Variants in USH2A observed in about 807,000 individuals in gnomAD.
The protein encoded by USH2A is Usher syndrome 2A (autosomal recessive, mild).
A neutral mutation model predicts 538.9 loss-of-function variants in USH2A; 443 were observed. The ratio of observed to expected loss-of-function variants is 0.82; its 90% CI spans 0.76 to 0.89. USH2A has a LOEUF of 0.89. Among genes scored for constraint, USH2A ranks in the 40% least tolerant of loss-of-function variants. The pLI, the probability that USH2A is intolerant of heterozygous loss-of-function variation, is 0.00. For missense variants in USH2A, 6,633 were observed against 6,324.8 expected, an observed-to-expected ratio of 1.05 and a Z score of -1.65; for synonymous variants, 2,413 against 2,273.5, an observed-to-expected ratio of 1.06 and a Z score of -1.75.
rs369428549 is a variant in USH2A, at chr1:216,259,572, T to C, written c.1972-8474A>G. 2.8e-4 allele frequency among the ~76,000 whole-genome samples: 42 copies of C among 152,208 alleles called. 2 individuals carry two copies. The highest frequency in any genetic ancestry group is 9.9e-4 in the African/African-American group (41 of 41,562). ...GCTTTCTGACAAAGGATCCAACTTATTAGAATTGATGCATTCAAAGATTAA... is the reference window on the plus strand; with the variant it reads ...GCTTTCTGACAAAGGATCCAACTTACTAGAATTGATGCATTCAAAGATTAA... On this transcript the variant is annotated intron_variant, in intron 11 of 71. Coordinates refer to ENST00000307340, the MANE Select transcript of USH2A (RefSeq NM_206933.4).
intron 13 of USH2A, among the ~76,000 whole-genome samples, chr1:216,241,735 T>C (rs2035941958): frequency 1.3e-5 from 2 of 152,092 alleles, no homozygotes; most frequent in Non-Finnish European, 2.9e-5. Context: ...AGTTTCACCA[T>C]GTTGCTCAGG....
Position 216,247,125 on chromosome 1 carries a change from T to C in USH2A, c.2269A>G (p.Lys757Glu). 1 of 1,614,084 alleles carries C rather than the reference T, an allele frequency of 6.2e-7. No individual in the cohort carries two copies. The highest frequency in any genetic ancestry group is 2.2e-5 in the East Asian group (1 of 44,858). Residue 757 changes from lysine to glutamate, a missense_variant, in exon 13 of 72, where the codon AAA becomes GAA. By Grantham distance (56) the Lys-to-Glu change is moderately conservative. Coordinates refer to ENST00000307340, the MANE Select transcript of USH2A (RefSeq NM_206933.4). ...TGCCCAGAGTGAGGATTGCAGAATT[T>C]GTTCACTGAGCCATGGAGGTTACAC... is the stretch of plus-strand genomic sequence containing the variant. ...CQCNLHGSVN[K>E]FCNPHSGQCE...
At chr1:215,824,736 G>A (rs201072016) in intron 47 of USH2A, among the ~76,000 whole-genome samples, 41 of 152,252 alleles carry the variant, frequency 2.7e-4, no homozygotes, top group African/African-American at 9.6e-4. Context: ...GCAGGTAAAG[G>A]TCTCCTGCCA....
intron 38 of USH2A, among the ~76,000 whole-genome samples, chr1:215,913,510 G>T (rs942377409): frequency 1.3e-5 from 2 of 152,098 alleles, no homozygotes; most frequent in African/African-American, 4.8e-5. Flanking sequence ...AAGGCAGCAA[G>T]GGTGGGAGAC....
chr1:215,764,735 G>T (rs1236792119), intron 56 of USH2A, among the ~76,000 whole-genome samples: 2 of 152,068 alleles, frequency 1.3e-5, no homozygotes, highest in Non-Finnish European at 2.9e-5. Flanking sequence ...TGTCTGGGTG[G>T]ATAATCTAAA....
chr1:216,377,049 A>AT (rs963571010), intron 3 of USH2A, among the ~76,000 whole-genome samples: 3 of 152,060 alleles, frequency 2.0e-5, no homozygotes, highest in African/African-American at 7.2e-5. Context: ...GTCTTCTTAG[A>AT]TTTTTTCAGC....
rs555938432 is a variant in USH2A, at chr1:216,037,404, TC to T, written c.6325+9026del. Among the ~76,000 whole-genome samples, 19 of 152,188 alleles carry T rather than the reference TC, an allele frequency of 1.2e-4. No homozygotes were observed. The East Asian group carries it at 3.3e-3, about 26-fold the overall frequency. On this transcript the variant is annotated intron_variant, in intron 32 of 71. Transcript: ENST00000307340. The stretch of plus-strand genomic sequence containing the variant: ...ACCAACAAGCAAAATGCCTCAAGCA[TC>T]CCCAAAAAACTTTTGCCATGACCTT...
chr1:216,397,443 C>T (rs2039229784), intron 3 of USH2A, among the ~76,000 whole-genome samples: 2 of 152,242 alleles, frequency 1.3e-5, no homozygotes, highest in African/African-American at 4.8e-5. Context: ...AGGAGATTGA[C>T]ATATAAGCCA....
At chr1:215,848,120 T>C (rs1201656665) in intron 44 of USH2A, among the ~76,000 whole-genome samples, 1 of 152,182 alleles carries the variant, frequency 6.6e-6, no homozygotes, top group African/African-American at 2.4e-5. Flanking sequence ...TCCTGAATGA[T>C]AATATTCGTC....
intron 4 of USH2A, among the ~76,000 whole-genome samples, chr1:216,336,690 C>T (rs13376107): frequency 0.018 from 2,765 of 151,448 alleles, 90 homozygotes; most frequent in African/African-American, 0.061. Flanking sequence ...TTTCCAAGAA[C>T]GGTCCTGGAA....
In USH2A at chr1:215,623,547, A is replaced by ACAT. The variant is rs1433165868; in HGVS notation, c.*2231_*2233dup. The ACAT allele has an allele frequency of 6.6e-6, 1 of 152,138 alleles. No individual in the cohort carries two copies. Among genetic ancestry groups the ACAT allele is most frequent in the African/African-American group, 2.4e-5 (1 of 41,448 alleles). 9.4% of individuals were successfully genotyped at this position (152,138 alleles called of 1,614,324 possible). A position where few individuals can be genotyped will look rare whatever the true frequency, so the allele number is the denominator to read the frequency against. On this transcript the variant is annotated 3_prime_UTR_variant, in exon 72 of 72. Transcript: ENST00000307340. ...CAATACCACTTAAAGTAGCAAAGCA[A>ACAT]CATCTTAGAGTTCTTCTCTGAAATA...
intron 13 of USH2A, among the ~76,000 whole-genome samples, chr1:216,238,929 C>G (rs1309769324): frequency 6.6e-6 from 1 of 152,072 alleles, no homozygotes; most frequent in South Asian, 2.1e-4. Context: ...GGTATATGAT[C>G]TAGGTCTCTC....
At chr1:215,644,478 G>A (rs906295519) in intron 67 of USH2A, among the ~76,000 whole-genome samples, 1 of 152,162 alleles carries the variant, frequency 6.6e-6, no homozygotes, top group African/African-American at 2.4e-5. Context: ...ACGGCAAGGG[G>A]ACAAAGTTAA....
At chr1:216,084,636 A>C in intron 25 of USH2A, 62 bp downstream of exon 25, 2 of 1,577,598 alleles carry the variant, frequency 1.3e-6, no homozygotes, top group Non-Finnish European at 1.7e-6. Flanking sequence ...GGAGAGATTA[A>C]ATTATACAAA....
At chr1:215,854,344 T>C (rs1664099691) in intron 44 of USH2A, among the ~76,000 whole-genome samples, 6 of 152,144 alleles carry the variant, frequency 3.9e-5, no homozygotes, top group Admixed American at 3.9e-4. Flanking sequence ...CATGTGGGCA[T>C]TATGGGAGCT....
chr1:215,732,821 G>A (rs1660044439), intron 60 of USH2A, among the ~76,000 whole-genome samples: 1 of 151,932 alleles, frequency 6.6e-6, no homozygotes, highest in African/African-American at 2.4e-5. Flanking sequence ...GATTACAGGT[G>A]TGAGCCACCA....
rs115839989 is a variant in USH2A, at chr1:216,016,530, C to T, written c.6326-15968G>A. 9.4e-3 allele frequency among the ~76,000 whole-genome samples: 1,426 copies of T among 152,220 alleles called. 20 individuals carry two copies. The highest frequency in any genetic ancestry group is 0.033 in the African/African-American group (1,359 of 41,514). On this transcript the variant is annotated intron_variant, in intron 32 of 71. Coordinates refer to ENST00000307340, the MANE Select transcript of USH2A (RefSeq NM_206933.4). ...TCATGAAAACCCTGTTCAATGTTTG[C>T]ATTATCCATGAAACATCTCCTGACT...
At chr1:216,296,665 CTGTT>C (rs1005259804) in intron 9 of USH2A, among the ~76,000 whole-genome samples, 48 of 152,112 alleles carry the variant, frequency 3.2e-4, no homozygotes, top group African/African-American at 1.1e-3. Context: ...TCAGAATTGA[CTGTT>C]AGGTGATGAT....
At chr1:215,873,749 A>T (rs1664681542) in intron 43 of USH2A, among the ~76,000 whole-genome samples, 2 of 151,640 alleles carry the variant, frequency 1.3e-5, no homozygotes, top group African/African-American at 4.8e-5. Flanking sequence ...ATGTAATACA[A>T]TTAGTGGATT....
Sources: allele counts gnomAD v4.1 joint callset (sites outside exome capture counted in the v4.1 genomes callset), GRCh38; gene constraint gnomAD v4.1.1; transcripts MANE v1.5; gene names NCBI Gene and HGNC (gene_info 2026-07-23, HGNC 2026-07-21).